ZC3H12B: variants seen among roughly 807,000 people sequenced by gnomAD.
ZC3H12B encodes the protein zinc finger CCCH-type containing 12B, also known as probable ribonuclease ZC3H12B.
A neutral mutation model predicts 43.9 loss-of-function variants in ZC3H12B; 7 were observed. That is an observed-to-expected ratio of 0.16 (90% confidence interval 0.09 to 0.30). ZC3H12B has a LOEUF of 0.30. Ranked by LOEUF, ZC3H12B falls within the 10% of genes least tolerant of loss-of-function variation. ZC3H12B has a pLI of 1.00. For synonymous variants in ZC3H12B, 222 were observed against 241.7 expected (o/e 0.92, Z 0.76); for missense variants, 475 against 670.2 (o/e 0.71, Z 3.22).
At chrX:65,236,351 T>C in the ZC3H12B span, among the ~76,000 whole-genome samples, 1 of 112,202 alleles carries the variant, frequency 8.9e-6, no homozygotes, top group East Asian at 2.8e-4. Context: ...AATGTTTTAT[T>C]TTGAGAAGGG....
chrX:65,478,057 T>G (rs1188395506), intron 3 of ZC3H12B, among the ~76,000 whole-genome samples: 1 of 111,717 alleles, frequency 9.0e-6, no homozygotes, highest in Non-Finnish European at 1.9e-5. Flanking sequence ...CTTCAGAATT[T>G]CCATTAAAAT....
At chrX:65,109,792 C>T in the ZC3H12B span, among the ~76,000 whole-genome samples, 1 of 111,500 alleles carries the variant, frequency 9.0e-6, no homozygotes, top group Non-Finnish European at 1.9e-5. Flanking sequence ...GCAAAATAGA[C>T]GTACCATTTT....
intron 3 of ZC3H12B, among the ~76,000 whole-genome samples, chrX:65,464,790 C>T (rs903673596): frequency 7.3e-5 from 8 of 110,120 alleles, no homozygotes; most frequent in Non-Finnish European, 1.5e-4. Flanking sequence ...TGCTGCATTT[C>T]CTAAATTTTG....
At chrX:65,371,274 C>T (rs1366615697) in intron 2 of ZC3H12B, among the ~76,000 whole-genome samples, 1 of 111,490 alleles carries the variant, frequency 9.0e-6, no homozygotes, top group Non-Finnish European at 1.9e-5. Flanking sequence ...AAATATCCAC[C>T]ATCTCATTTG....
chrX:65,406,457 TAA>T (rs1262232461), intron 3 of ZC3H12B, among the ~76,000 whole-genome samples: 4 of 90,530 alleles, frequency 4.4e-5, no homozygotes, highest in African/African-American at 4.0e-5. Flanking sequence ...CCTTCATGAT[TAA>T]AAAAAAAAAA....
intron 3 of ZC3H12B, among the ~76,000 whole-genome samples, chrX:65,437,707 C>A (rs777323840): frequency 6.6e-5 from 7 of 105,860 alleles, no homozygotes; most frequent in Non-Finnish European, 9.4e-5. Context: ...CTCTTCACTT[C>A]GTTGACTCTT....
chrX:65,300,671 G>A, the ZC3H12B span, among the ~76,000 whole-genome samples: 3 of 110,859 alleles, frequency 2.7e-5, no homozygotes, highest in African/African-American at 9.9e-5. Context: ...GATAATCCTA[G>A]GGCAAGCTTG....
At chrX:65,108,140 C>T in the ZC3H12B span, among the ~76,000 whole-genome samples, 1 of 110,914 alleles carries the variant, frequency 9.0e-6, no homozygotes, top group African/African-American at 3.3e-5. Context: ...GAGTGAGTGG[C>T]GATTGAATGT....
chrX:65,358,050 G>C, the ZC3H12B span, among the ~76,000 whole-genome samples: 7 of 108,140 alleles, frequency 6.5e-5, no homozygotes, highest in South Asian at 2.7e-3. Context: ...TGCAATCCTA[G>C]TCTCTGATAA....
intron 2 of ZC3H12B, among the ~76,000 whole-genome samples, chrX:65,372,072 A>G (rs2066252277): frequency 8.9e-6 from 1 of 112,200 alleles, no homozygotes; most frequent in South Asian, 3.7e-4. Flanking sequence ...TGGTATTAAT[A>G]ATGATTTCAG....
intron 2 of ZC3H12B, among the ~76,000 whole-genome samples, chrX:65,385,519 A>T (rs2148017960): frequency 8.9e-6 from 1 of 112,369 alleles, no homozygotes; most frequent in African/African-American, 3.2e-5. Flanking sequence ...GAGTTTGCTG[A>T]AGTTGCATAT....
chrX:65,466,915 AATATATATATAT>A (rs58150008), intron 3 of ZC3H12B, among the ~76,000 whole-genome samples: 752 of 23,829 alleles, frequency 0.032, 21 homozygotes, highest in Non-Finnish European at 0.045. Flanking sequence ...TATAAAACCA[AATATATATATAT>A]ATATATATAT....
At chrX:65,506,506 G>A (rs748070294) in exon 5 of ZC3H12B, 1 of 112,284 alleles carries the variant, frequency 8.9e-6, no homozygotes, top group Non-Finnish European at 1.9e-5. Flanking sequence ...ATGGGACTAA[G>A]CATGTGTCCT....
intron 3 of ZC3H12B, among the ~76,000 whole-genome samples, chrX:65,400,545 A>G (rs1319628672): frequency 1.8e-5 from 2 of 112,021 alleles, no homozygotes; most frequent in African/African-American, 6.5e-5. Flanking sequence ...TATGCTTGTA[A>G]AGATTTTAAT....
chrX:65,407,961 G>A, intron 3 of ZC3H12B: 4 of 861,386 alleles, frequency 4.6e-6, no homozygotes, highest in Non-Finnish European at 3.2e-6. Flanking sequence ...CTGCGTGCGT[G>A]GCCACCTCGC....
intron 3 of ZC3H12B, among the ~76,000 whole-genome samples, chrX:65,414,568 G>T (rs757746853): frequency 9.0e-6 from 1 of 111,496 alleles, no homozygotes; most frequent in South Asian, 3.8e-4. Context: ...CATTAGGGGA[G>T]TCCCTGTGGT....
At chrX:65,461,945 T>A (rs2067755894) in intron 3 of ZC3H12B, among the ~76,000 whole-genome samples, 1 of 109,934 alleles carries the variant, frequency 9.1e-6, no homozygotes, top group Non-Finnish European at 1.9e-5. Context: ...CTTAGTCATA[T>A]AACCAAACAC....
the ZC3H12B span, among the ~76,000 whole-genome samples, chrX:65,248,686 C>A: frequency 2.7e-5 from 3 of 111,744 alleles, no homozygotes; most frequent in African/African-American, 9.8e-5. Flanking sequence ...TACTAGTTTA[C>A]ATTCTCACCA....
At chrX:65,428,180 G>C (rs2067107749) in intron 3 of ZC3H12B, among the ~76,000 whole-genome samples, 1 of 111,808 alleles carries the variant, frequency 8.9e-6, no homozygotes, top group Non-Finnish European at 1.9e-5. Flanking sequence ...TTTATGTCTG[G>C]CTGCTTTTAA....
Sources: gnomAD v4.1 joint callset for allele counts (sites outside exome capture counted in the v4.1 genomes callset) on GRCh38, gnomAD v4.1.1 for gene constraint, MANE v1.5 for transcripts, NCBI Gene and HGNC (gene_info 2026-07-23, HGNC 2026-07-21) for gene names.